CADM2: variants seen among roughly 807,000 people sequenced by gnomAD.
CADM2 encodes the protein immunoglobulin superfamily member 4D.
Under a neutral mutation model 49.8 loss-of-function variants are expected in CADM2, and 12 were observed. The ratio of observed to expected loss-of-function variants is 0.24; its 90% CI spans 0.15 to 0.39. The LOEUF (loss-of-function observed/expected upper bound fraction) is 0.39. Among genes scored for constraint, CADM2 ranks in the 10% least tolerant of loss-of-function variants. The pLI, the probability that CADM2 is intolerant of heterozygous loss-of-function variation, is 1.00. For missense variants in CADM2, 378 were observed against 492.3 expected (o/e 0.77, Z 2.20); for synonymous variants, 214 against 175.4 (o/e 1.22, Z -1.74).
chr3:85,903,980 T>G (rs926197461), intron 5 of CADM2, among the ~76,000 whole-genome samples: 2 of 152,138 alleles, frequency 1.3e-5, no homozygotes, highest in African/African-American at 2.4e-5. Context: ...CGTTGCTAGT[T>G]GTCTTTTTCT....
At chr3:85,576,562 A>G (rs1559921491) in intron 1 of CADM2, among the ~76,000 whole-genome samples, 1 of 152,226 alleles carries the variant, frequency 6.6e-6, no homozygotes, top group Non-Finnish European at 1.5e-5. Context: ...ATACACAAAT[A>G]TTAGTATAAA....
chr3:85,476,991 A>G (rs1190025155), intron 1 of CADM2, among the ~76,000 whole-genome samples: 2 of 150,484 alleles, frequency 1.3e-5, no homozygotes, highest in Admixed American at 6.7e-5. Flanking sequence ...GCAGCATTCA[A>G]AATGAACATA....
At chr3:85,563,616 G>T (rs1345775169) in intron 1 of CADM2, among the ~76,000 whole-genome samples, 1 of 152,020 alleles carries the variant, frequency 6.6e-6, no homozygotes, top group Non-Finnish European at 1.5e-5. Context: ...GTCAATAATG[G>T]TAGTTATCAT....
intron 1 of CADM2, among the ~76,000 whole-genome samples, chr3:85,334,745 C>G (rs565254633): frequency 6.6e-6 from 1 of 151,546 alleles, no homozygotes; most frequent in African/African-American, 2.4e-5. Flanking sequence ...TATAATATTT[C>G]ATTTTTCTTG....
At chr3:85,127,720 C>G (rs1009763853) in intron 1 of CADM2, among the ~76,000 whole-genome samples, 1 of 152,134 alleles carries the variant, frequency 6.6e-6, no homozygotes, top group African/African-American at 2.4e-5. Flanking sequence ...CAGGTATCAT[C>G]CTGGCTTCTG....
chr3:85,456,748 G>A (rs2038009200), intron 1 of CADM2, among the ~76,000 whole-genome samples: 1 of 151,788 alleles, frequency 6.6e-6, no homozygotes, highest in Non-Finnish European at 1.5e-5. Flanking sequence ...TTCAGTGACA[G>A]GACAAAGTTG....
intron 1 of CADM2, among the ~76,000 whole-genome samples, chr3:85,242,770 A>G (rs1400754510): frequency 6.6e-6 from 1 of 151,822 alleles, no homozygotes; most frequent in African/African-American, 2.4e-5. Context: ...TTTCATTTTA[A>G]GAAATTGTGT....
At chr3:85,662,804 CT>C (rs1296964642) in intron 1 of CADM2, among the ~76,000 whole-genome samples, 1 of 152,016 alleles carries the variant, frequency 6.6e-6, no homozygotes, top group East Asian at 1.9e-4. Flanking sequence ...ACCATAGTAG[CT>C]TGTGATTGTT....
rs2072729497 is a variant in CADM2, at chr3:85,809,787, TCTC to T, written c.238+7592_238+7594del. On this transcript the variant is annotated intron_variant, in intron 3 of 9. Transcript: ENST00000383699. ...CCCTCTCTCTCTCTCTCTCTCTCTC[TCTC>T]TCTTTCTTTCTTTCTTTCTTTCTGT... Among the ~76,000 whole-genome samples the T allele has an allele frequency of 8.3e-5, 9 of 108,224 alleles. 1 individual carries two copies. The highest frequency in any genetic ancestry group is 2.5e-4 in the African/African-American group (7 of 28,224). 71.0% of individuals were successfully genotyped at this position (108,224 alleles called of 152,430 possible). A position where few individuals can be genotyped will look rare whatever the true frequency, so the allele number is the denominator to read the frequency against.
intron 2 of CADM2, among the ~76,000 whole-genome samples, chr3:85,798,616 C>T (rs1276674806): frequency 6.6e-6 from 1 of 152,096 alleles, no homozygotes; most frequent in Non-Finnish European, 1.5e-5. Flanking sequence ...CTGTTCTTTT[C>T]CATTGCTCTA....
At chr3:85,204,269 A>C (rs2107752180) in intron 1 of CADM2, among the ~76,000 whole-genome samples, 1 of 152,258 alleles carries the variant, frequency 6.6e-6, no homozygotes, top group South Asian at 2.1e-4. Flanking sequence ...TTAGTAACCT[A>C]TTTTGATTTA....
intron 1 of CADM2, among the ~76,000 whole-genome samples, chr3:85,554,481 C>T (rs1420400527): frequency 6.6e-6 from 1 of 152,012 alleles, no homozygotes; most frequent in Non-Finnish European, 1.5e-5. Context: ...ATGAAAGAGA[C>T]CAAGAATCAA....
intron 3 of CADM2, among the ~76,000 whole-genome samples, chr3:85,863,445 T>C (rs2075611618): frequency 6.6e-6 from 1 of 152,104 alleles, no homozygotes; most frequent in Non-Finnish European, 1.5e-5. Flanking sequence ...TAAGAGGTGA[T>C]TAAGTCATGA....
intron 1 of CADM2, among the ~76,000 whole-genome samples, chr3:85,347,637 ATACATATATATATAT>A (rs1559792665): frequency 7.2e-6 from 1 of 139,820 alleles, no homozygotes; most frequent in Non-Finnish European, 1.5e-5. Context: ...ATAAATATAT[ATACATATATATATAT>A]TTTTTTTAAG....
At chr3:85,665,001 A>G (rs1354361316) in intron 1 of CADM2, among the ~76,000 whole-genome samples, 2 of 151,980 alleles carry the variant, frequency 1.3e-5, no homozygotes, top group African/African-American at 2.4e-5. Context: ...ATTTTTGTCT[A>G]TTTTGTTTAC....
At chr3:85,899,150 G>A (rs1715753851) in intron 5 of CADM2, among the ~76,000 whole-genome samples, 1 of 150,776 alleles carries the variant, frequency 6.6e-6, no homozygotes, top group South Asian at 2.1e-4. Context: ...AATATTAGTA[G>A]AGACAGGGTT....
At chr3:86,033,635 G>T in intron 8 of CADM2, among the ~76,000 whole-genome samples, 1 of 145,694 alleles carries the variant, frequency 6.9e-6, no homozygotes. Context: ...CTTCCTTATG[G>T]GCTTCTGATC....
intron 1 of CADM2, among the ~76,000 whole-genome samples, chr3:85,104,697 C>T (rs567365358): frequency 6.6e-6 from 1 of 152,278 alleles, no homozygotes; most frequent in South Asian, 2.1e-4. Context: ...TCTTCCTAAC[C>T]ATGAGCATGG....
intron 1 of CADM2, among the ~76,000 whole-genome samples, chr3:85,638,024 T>C (rs556975869): frequency 6.6e-6 from 1 of 152,246 alleles, no homozygotes; most frequent in African/African-American, 2.4e-5. Flanking sequence ...TTCTAAAGAG[T>C]GCAATTCCTG....
Sources: gnomAD v4.1 joint callset for allele counts (sites outside exome capture counted in the v4.1 genomes callset) on GRCh38, gnomAD v4.1.1 for gene constraint, MANE v1.5 for transcripts, NCBI Gene and HGNC (gene_info 2026-07-23, HGNC 2026-07-21) for gene names.